The following ARID3B variants were observed in gnomAD, a reference collection of about 807,000 sequenced individuals.
ARID3B encodes the protein AT-rich interactive domain-containing protein 3B.
A neutral mutation model predicts 51.9 loss-of-function variants in ARID3B; 10 were observed. The observed-to-expected ratio is 0.19, with a 90% CI of 0.12 to 0.33. The LOEUF is 0.33. Ranked by LOEUF, ARID3B falls within the 10% of genes least tolerant of loss-of-function variation. The probability of loss-of-function intolerance (pLI) is 1.00; values close to 1 mark genes in which losing one functional copy is unlikely to be tolerated. For synonymous variants in ARID3B, 205 were observed against 279.5 expected, an observed-to-expected ratio of 0.73 and a Z score of 2.66; for missense variants, 483 against 716.3, an observed-to-expected ratio of 0.67 and a Z score of 3.72.
intron 2 of ARID3B, among the ~76,000 whole-genome samples, chr15:74,558,289 G>A (rs1359365833): frequency 8.5e-5 from 12 of 140,448 alleles, no homozygotes; most frequent in African/African-American, 3.2e-4. Flanking sequence ...AAAATCTTAT[G>A]TATTTATATC....
chr15:74,591,770 G>C lies in ARID3B; in HGVS notation c.1376G>C (p.Ser459Thr). 2 of 1,614,182 alleles carry C rather than the reference G, an allele frequency of 1.2e-6. No homozygotes were observed. The highest frequency in any genetic ancestry group is 8.5e-7 in the Non-Finnish European group (1 of 1,180,028). Residue 459 changes from serine to threonine, a missense_variant, in exon 7 of 9, where the codon AGC becomes ACC. This residue lies in a region of ARID3B where 265 missense variants were observed against 354.4 expected (regional missense o/e 0.75). Transcript: ENST00000346246. This position sits in a 1 kb window ranked among gnomAD's most constrained non-coding sequence, Gnocchi z 5.8. Reference sequence around the variant, plus strand: ...CAGGCCTTCCAGCGCAACTTTTTCAGCATGGCACGGCAGCTCCCCATGAAG... The same window carrying C: ...CAGGCCTTCCAGCGCAACTTTTTCACCATGGCACGGCAGCTCCCCATGAAG... ...VQQAFQRNFFSMARQLPMKIR... is the reference protein window; with the variant it reads ...VQQAFQRNFFTMARQLPMKIR...
chr15:74,548,034 T>A (rs1354704806), intron 2 of ARID3B, among the ~76,000 whole-genome samples: 1 of 152,190 alleles, frequency 6.6e-6, no homozygotes, highest in African/African-American at 2.4e-5. Context: ...ATTGTTAAGG[T>A]GTGGTATTAT....
chr15:74,580,289 T>C (rs2061756601), intron 4 of ARID3B, among the ~76,000 whole-genome samples: 1 of 152,188 alleles, frequency 6.6e-6, no homozygotes, highest in Non-Finnish European at 1.5e-5. Context: ...GTTTCTGAAA[T>C]ACCATTCCCT....
chr15:74,564,767 A>AT (rs1292943992), intron 2 of ARID3B, among the ~76,000 whole-genome samples: 2 of 151,852 alleles, frequency 1.3e-5, no homozygotes, highest in East Asian at 1.9e-4. Context: ...CACCCAGCTA[A>AT]TTTTTTAATT....
intron 4 of ARID3B, among the ~76,000 whole-genome samples, chr15:74,581,453 C>T (rs1385821532): frequency 6.6e-6 from 1 of 152,214 alleles, no homozygotes; most frequent in Non-Finnish European, 1.5e-5. Flanking sequence ...GGACACCCTT[C>T]CTGGCAGACG....
intron 7 of ARID3B, among the ~76,000 whole-genome samples, chr15:74,592,327 T>C: frequency 6.6e-6 from 1 of 152,232 alleles, no homozygotes; most frequent in East Asian, 1.9e-4. Context: ...ATTGTTCTGG[T>C]GCCCCACATT....
chr15:74,566,119 T>G (rs2061697068), intron 2 of ARID3B, among the ~76,000 whole-genome samples: 1 of 152,144 alleles, frequency 6.6e-6, no homozygotes, highest in African/African-American at 2.4e-5. Context: ...TCTGCTACTC[T>G]CCGTCTCCCC....
intron 4 of ARID3B, among the ~76,000 whole-genome samples, chr15:74,587,879 T>C (rs2061786987): frequency 6.6e-6 from 1 of 152,152 alleles, no homozygotes; most frequent in African/African-American, 2.4e-5. Context: ...CCCTTTGTCC[T>C]TGACCCTCCA....
intron 4 of ARID3B, among the ~76,000 whole-genome samples, chr15:74,583,793 G>C (rs12594105): frequency 1.9e-4 from 29 of 152,150 alleles, no homozygotes; most frequent in African/African-American, 7.0e-4. Context: ...CATCTAGTGA[G>C]CTGTATGGTT....
intron 4 of ARID3B, chr15:74,573,518 G>C: frequency 2.7e-6 from 1 of 364,850 alleles, no homozygotes; most frequent in Non-Finnish European, 5.1e-6. Context: ...AAGCTACCCT[G>C]GACTTCACTT....
intron 8 of ARID3B, among the ~76,000 whole-genome samples, chr15:74,595,364 G>GTA (rs751444091): frequency 3.9e-5 from 6 of 152,036 alleles, no homozygotes; most frequent in African/African-American, 7.3e-5. Context: ...TGTACCCTGG[G>GTA]TACACCTTGT....
intron 2 of ARID3B, among the ~76,000 whole-genome samples, chr15:74,560,974 T>C (rs1464325943): frequency 6.6e-6 from 1 of 152,198 alleles, no homozygotes; most frequent in East Asian, 1.9e-4. Flanking sequence ...TATCAGTCCT[T>C]TTATTTTTGC....
intron 4 of ARID3B, among the ~76,000 whole-genome samples, chr15:74,577,897 G>A (rs1399147795): frequency 6.6e-6 from 1 of 151,924 alleles, no homozygotes; most frequent in Non-Finnish European, 1.5e-5. Context: ...TTGAGACAGA[G>A]TCCCAGTCTG....
At position 74,591,383 on chromosome 15, in the gene ARID3B, G is replaced by C; in HGVS notation, c.1114G>C (p.Gly372Arg). The change falls in exon 6 of 9, where the codon GGT (glycine) becomes CGT (arginine). Residue 372 changes from glycine (G) to arginine (R), a missense_variant. Transcript: ENST00000346246. The surrounding 1 kb of genome is among the most constrained non-coding windows in gnomAD (Gnocchi z 5.8). ...CATCCTTGGGCTTGGCTCCAGCAGT[G>C]GTACCAATACCAGTAGCCCTCGGAT... ...FPILGLGSSS[G>R]TNTSSPRISP... 6.2e-7 allele frequency: 1 copy of C among 1,613,930 alleles called. No individual in the cohort carries two copies. The highest frequency in any genetic ancestry group is 1.7e-5 in the Admixed American group (1 of 60,002).
At position 74,596,434 on chromosome 15, in the gene ARID3B, G is replaced by A. The variant is rs1310898075; in HGVS notation, c.*660G>A. 1.3e-5 allele frequency: 3 copies of A among 233,496 alleles called. No homozygotes were observed. In the Admixed American group the frequency reaches 1.7e-4, roughly 13 times the overall value. 14.5% of individuals were successfully genotyped at this position (233,496 alleles called of 1,614,324 possible). On this transcript the variant is annotated 3_prime_UTR_variant, in exon 9 of 9. Coordinates refer to ENST00000346246, the MANE Select transcript of ARID3B (RefSeq NM_006465.4). ...GGCCAGGGCCCACAGGGCATCTGCT[G>A]ATGGGAAGGCAGAGCCTCGGGGCTG...
At chr15:74,555,081 A>G (rs2061652557) in intron 2 of ARID3B, among the ~76,000 whole-genome samples, 1 of 152,240 alleles carries the variant, frequency 6.6e-6, no homozygotes, top group Admixed American at 6.5e-5. Context: ...AATATGTATG[A>G]AAACAACTCT....
chr15:74,574,622 G>A (rs2061730680), intron 4 of ARID3B: 1 of 152,080 alleles, frequency 6.6e-6, no homozygotes, highest in Admixed American at 6.6e-5. Flanking sequence ...GTTTTCCCCA[G>A]TCTCTAAGCC....
At chr15:74,555,786 CT>C (rs869243539) in intron 2 of ARID3B, among the ~76,000 whole-genome samples, 405 of 95,076 alleles carry the variant, frequency 4.3e-3, no homozygotes, top group African/African-American at 0.014. Flanking sequence ...AGCTGTATTT[CT>C]TTTTTTTTTT....
At chr15:74,568,095 A>T (rs2061706198) in intron 2 of ARID3B, among the ~76,000 whole-genome samples, 1 of 151,960 alleles carries the variant, frequency 6.6e-6, no homozygotes, top group African/African-American at 2.4e-5. Context: ...TCTATTTTGG[A>T]GGGAGGGGTA....
Sources: gnomAD v4.1 joint callset for allele counts (sites outside exome capture counted in the v4.1 genomes callset) on GRCh38, gnomAD v4.1.1 for gene constraint, gnomAD v4.1.1 regional missense constraint, Gnocchi (gnomAD v3.1) non-coding constraint, MANE v1.5 for transcripts, NCBI Gene and HGNC (gene_info 2026-07-23, HGNC 2026-07-21) for gene names.